The following MSI2 variants were observed in gnomAD, a reference collection of about 807,000 sequenced individuals.
The protein encoded by MSI2 is RNA-binding protein Musashi homolog 2.
MSI2 carries 17 observed loss-of-function variants against 45.6 expected under a neutral mutation model. The observed-to-expected ratio is 0.37, with a 90% CI of 0.26 to 0.56. MSI2 has a LOEUF of 0.56. Among genes scored for constraint, MSI2 ranks in the 20% least tolerant of loss-of-function variants. The pLI, the probability that MSI2 is intolerant of heterozygous loss-of-function variation, is 0.77. For missense variants in MSI2, 293 were observed against 444.2 expected (o/e 0.66, Z 3.06); for synonymous variants, 156 against 158.2 (o/e 0.99, Z 0.11).
intron 5 of MSI2, among the ~76,000 whole-genome samples, chr17:57,350,784 G>A (rs1915973807): frequency 6.6e-6 from 1 of 152,114 alleles, no homozygotes; most frequent in Admixed American, 6.5e-5. Context: ...CAATACCATG[G>A]CACGTTTTAG....
intron 11 of MSI2, among the ~76,000 whole-genome samples, chr17:57,672,639 T>C (rs1354119923): frequency 6.6e-6 from 1 of 152,224 alleles, no homozygotes; most frequent in Non-Finnish European, 1.5e-5. Context: ...CAAAAAACTT[T>C]CCGTCTACCA....
chr17:57,331,622 C>G (rs1017612327), intron 5 of MSI2, among the ~76,000 whole-genome samples: 1 of 152,136 alleles, frequency 6.6e-6, no homozygotes, highest in Admixed American at 6.6e-5. Flanking sequence ...CATGGAAGCC[C>G]CAGCGGATTC....
chr17:57,625,870 G>A (rs1300440745), intron 9 of MSI2: 1 of 152,292 alleles, frequency 6.6e-6, no homozygotes, highest in East Asian at 1.9e-4. Context: ...TAGCCAAGGG[G>A]ACAACTCAGG....
intron 7 of MSI2, among the ~76,000 whole-genome samples, chr17:57,559,165 A>C (rs1417941185): frequency 1.3e-5 from 2 of 152,220 alleles, no homozygotes; most frequent in African/African-American, 4.8e-5. Context: ...CCCAGAATAG[A>C]CACAGACATC....
intron 6 of MSI2, among the ~76,000 whole-genome samples, chr17:57,415,137 G>T (rs559940056): frequency 6.6e-6 from 1 of 152,162 alleles, no homozygotes; most frequent in East Asian, 1.9e-4. Context: ...GATCCTCTGG[G>T]CACCAGGGAT....
chr17:57,660,055 T>C (rs1485072474), intron 11 of MSI2, among the ~76,000 whole-genome samples: 1 of 152,226 alleles, frequency 6.6e-6, no homozygotes, highest in African/African-American at 2.4e-5. Flanking sequence ...TTAAATATTA[T>C]GGGGGATTTA....
chr17:57,593,361 C>G (rs558020395), intron 7 of MSI2, among the ~76,000 whole-genome samples: 1 of 152,316 alleles, frequency 6.6e-6, no homozygotes, highest in East Asian at 1.9e-4. Context: ...GAAGCCAGCG[C>G]TGCACTCCCC....
chr17:57,405,536 T>A (rs576289561), intron 6 of MSI2, among the ~76,000 whole-genome samples: 6 of 152,326 alleles, frequency 3.9e-5, no homozygotes, highest in African/African-American at 1.2e-4. Context: ...AAATAATACG[T>A]TGTCAGTAGT....
chr17:57,348,381 A>T (rs1915779075), intron 5 of MSI2, among the ~76,000 whole-genome samples: 1 of 152,110 alleles, frequency 6.6e-6, no homozygotes, highest in South Asian at 2.1e-4. Context: ...TGTGGTTCGG[A>T]TATGTGTCTT....
At chr17:57,447,984 G>A (rs2143520459) in intron 6 of MSI2, among the ~76,000 whole-genome samples, 1 of 152,310 alleles carries the variant, frequency 6.6e-6, no homozygotes, top group South Asian at 2.1e-4. Flanking sequence ...TAGTTGGTTT[G>A]GAGCAAGTTG....
intron 8 of MSI2, among the ~76,000 whole-genome samples, chr17:57,612,900 A>G (rs1235887174): frequency 6.6e-6 from 1 of 152,146 alleles, no homozygotes; most frequent in Non-Finnish European, 1.5e-5. Context: ...TTGGGTAATT[A>G]TCTGTCTGCC....
chr17:57,662,401 C>T (rs907485212), intron 11 of MSI2, among the ~76,000 whole-genome samples: 2 of 152,198 alleles, frequency 1.3e-5, no homozygotes, highest in Non-Finnish European at 1.5e-5. Flanking sequence ...TAATAGCTCA[C>T]ATGTATTATG....
Position 57,681,584 on chromosome 17 carries a change from G to GAA in MSI2, c.*2072_*2073dup. ...TCCAAAATGCTAACTCAGAAAGAAA[G>GAA]AAAAAACCCGTTTTCAATTCTAATG... On this transcript the variant is annotated 3_prime_UTR_variant, in exon 14 of 14. Coordinates refer to ENST00000284073, the MANE Select transcript of MSI2 (RefSeq NM_138962.4). The GAA allele has an allele frequency of 5.5e-6, 1 of 183,094 alleles. No individual in the cohort carries two copies. Among genetic ancestry groups the GAA allele is most frequent in the Non-Finnish European group, 1.2e-5 (1 of 86,374 alleles). The allele number at this position is 183,094 out of a possible 1,614,324, so 11.3% of individuals were successfully genotyped here.
intron 7 of MSI2, among the ~76,000 whole-genome samples, chr17:57,574,833 T>C (rs1216039409): frequency 1.4e-5 from 2 of 148,000 alleles, no homozygotes; most frequent in East Asian, 2.0e-4. Flanking sequence ...TCTCTCTTTT[T>C]TTTTTTTTTT....
chr17:57,428,164 A>C (rs1344086903), intron 6 of MSI2, among the ~76,000 whole-genome samples: 1 of 152,198 alleles, frequency 6.6e-6, no homozygotes, highest in Non-Finnish European at 1.5e-5. Flanking sequence ...CTTTTCAAAA[A>C]TACAAATTCA....
intron 6 of MSI2, among the ~76,000 whole-genome samples, chr17:57,438,588 C>T (rs2084735078): frequency 1.3e-5 from 2 of 152,120 alleles, no homozygotes; most frequent in Admixed American, 1.3e-4. Context: ...GGAGGGGTGG[C>T]AAGCAGGAAG....
At chr17:57,390,669 G>A (rs912893381) in intron 5 of MSI2, among the ~76,000 whole-genome samples, 3 of 152,182 alleles carry the variant, frequency 2.0e-5, no homozygotes, top group African/African-American at 7.2e-5. Flanking sequence ...CTTGGCTTTA[G>A]AACCTGCCTA....
At chr17:57,672,015 C>G (rs560072104) in intron 11 of MSI2, among the ~76,000 whole-genome samples, 19 of 152,316 alleles carry the variant, frequency 1.2e-4, no homozygotes, top group African/African-American at 4.1e-4. Context: ...GGTTCCACTG[C>G]CCAGAAGCCT....
At chr17:57,688,708 C>T (rs575409145), downstream of MSI2, among the ~76,000 whole-genome samples, 1 of 152,122 alleles carries the variant, frequency 6.6e-6, no homozygotes, top group South Asian at 2.1e-4. Flanking sequence ...GTATATACAT[C>T]ACATGTATGA....
Sources: allele counts gnomAD v4.1 joint callset (sites outside exome capture counted in the v4.1 genomes callset), GRCh38; gene constraint gnomAD v4.1.1; transcripts MANE v1.5; gene names NCBI Gene and HGNC (gene_info 2026-07-23, HGNC 2026-07-21).